The following SGCG variants were observed in gnomAD, a reference collection of about 807,000 sequenced individuals.
SGCG encodes gamma-sarcoglycan.
SGCG carries 26 observed loss-of-function variants against 29.3 expected under a neutral mutation model. The ratio of observed to expected loss-of-function variants is 0.89; its 90% CI spans 0.65 to 1.23. SGCG has a LOEUF of 1.23. SGCG is among the 50% of genes most tolerant of loss of function. The pLI, the probability that SGCG is intolerant of heterozygous loss-of-function variation, is 0.00. For missense variants in SGCG, 353 were observed against 356.0 expected (o/e 0.99, Z 0.07); for synonymous variants, 145 against 129.7 (o/e 1.12, Z -0.80).
At chr13:23,282,527 A>G (rs549422185) in intron 5 of SGCG, among the ~76,000 whole-genome samples, 46 of 151,950 alleles carry the variant, frequency 3.0e-4, no homozygotes, top group Non-Finnish European at 2.4e-4. Flanking sequence ...GTTCTCCTCT[A>G]TGTGTCCACA....
At chr13:23,226,088 C>T (rs746880618) in intron 2 of SGCG, among the ~76,000 whole-genome samples, 4 of 152,116 alleles carry the variant, frequency 2.6e-5, no homozygotes, top group African/African-American at 9.7e-5. Flanking sequence ...TCCAACACCC[C>T]GCACTGGGGG....
chr13:23,292,665 T>C (rs944951902), intron 5 of SGCG, among the ~76,000 whole-genome samples: 1 of 152,218 alleles, frequency 6.6e-6, no homozygotes, highest in Non-Finnish European at 1.5e-5. Flanking sequence ...AATATCATCT[T>C]GTTTATATAA....
chr13:23,266,918 A>C (rs1013485223), intron 4 of SGCG, among the ~76,000 whole-genome samples: 2 of 152,184 alleles, frequency 1.3e-5, no homozygotes, highest in Non-Finnish European at 2.9e-5. Flanking sequence ...ACCCAGCCTC[A>C]GGAATTTCTT....
intron 6 of SGCG, among the ~76,000 whole-genome samples, chr13:23,306,284 G>A (rs1593102427): frequency 6.6e-6 from 1 of 152,194 alleles, no homozygotes; most frequent in Non-Finnish European, 1.5e-5. Context: ...GGTCTCTAAA[G>A]GTTTGATGGA....
chr13:23,324,584 G>A lies in SGCG; in HGVS notation c.*43G>A, dbSNP rs757409780. 2.2e-5 allele frequency: 34 copies of A among 1,555,106 alleles called. No homozygotes were observed. The highest frequency in any genetic ancestry group is 4.1e-5 in the African/African-American group (3 of 73,890). Reference sequence around the variant, plus strand: ...GGTGAGCTGTGCAGTGCCGGCCCCAGATCCTCACACCCAGGGAGCAGCTGC... The same window carrying A: ...GGTGAGCTGTGCAGTGCCGGCCCCAAATCCTCACACCCAGGGAGCAGCTGC... On this transcript the variant is annotated 3_prime_UTR_variant, in exon 8 of 8. Coordinates refer to ENST00000218867, the MANE Select transcript of SGCG (RefSeq NM_000231.3).
chr13:23,204,269 T>C (rs938561613), intron 2 of SGCG, among the ~76,000 whole-genome samples: 1 of 152,196 alleles, frequency 6.6e-6, no homozygotes, highest in African/African-American at 2.4e-5. Context: ...TAAATGACAC[T>C]CATTTAAAAA....
chr13:23,314,385 TATATATA>T lies in SGCG; in HGVS notation c.579-6251_579-6245del, dbSNP rs1566044475. 9.6e-4 allele frequency among the ~76,000 whole-genome samples: 83 copies of T among 86,178 alleles called. 4 individuals carry two copies. The highest frequency in any genetic ancestry group is 2.6e-3 in the African/African-American group (77 of 29,750). 56.5% of individuals were successfully genotyped at this position (86,178 alleles called of 152,430 possible). On this transcript the variant is annotated intron_variant, in intron 6 of 7. Transcript: ENST00000218867. ...ATGAAATGATGTCTGCTATAGGTTA[TATATATA>T]TATATATATATATATAATCTTATTC... is the stretch of plus-strand genomic sequence containing the variant.
At chr13:23,219,827 C>CTTTTT (rs1184090222) in intron 2 of SGCG, among the ~76,000 whole-genome samples, 22 of 99,230 alleles carry the variant, frequency 2.2e-4, no homozygotes, top group East Asian at 3.3e-4. Flanking sequence ...ATTTCTTTTC[C>CTTTTT]TTTTTTTTTT....
Position 23,320,581 on chromosome 13 carries a change from G to C in SGCG, c.579-56G>C. On this transcript the variant is annotated intron_variant, in intron 6 of 7. Coordinates refer to ENST00000218867, the MANE Select transcript of SGCG (RefSeq NM_000231.3). ...CATGCTAAGTTGAGGGATTGCTGGA[G>C]TGGCTATTTTTAATACTTTTTTTTT... 4.9e-6 allele frequency: 7 copies of C among 1,443,208 alleles called. No homozygotes were observed. In the South Asian group the frequency reaches 8.7e-5, roughly 18 times the overall value. The allele number at this position is 1,443,208 out of a possible 1,614,324, so 89.4% of individuals were successfully genotyped here. A position where few individuals can be genotyped will look rare whatever the true frequency, so the allele number is the denominator to read the frequency against.
intron 2 of SGCG, among the ~76,000 whole-genome samples, chr13:23,217,246 C>T (rs1878465067): frequency 6.6e-6 from 1 of 152,042 alleles, no homozygotes; most frequent in African/African-American, 2.4e-5. Flanking sequence ...ACTATAAGCT[C>T]TTATGAATAG....
intron 2 of SGCG, among the ~76,000 whole-genome samples, chr13:23,222,913 A>G (rs1878727360): frequency 6.6e-6 from 1 of 152,142 alleles, no homozygotes; most frequent in African/African-American, 2.4e-5. Context: ...TAAAAGGTAT[A>G]TGTTCTTCCT....
At chr13:23,162,990 T>C in the SGCG span, among the ~76,000 whole-genome samples, 1 of 152,138 alleles carries the variant, frequency 6.6e-6, no homozygotes, top group Non-Finnish European at 1.5e-5. Context: ...TATTCTAAAA[T>C]TGTAGGAAAA....
intron 4 of SGCG, among the ~76,000 whole-genome samples, chr13:23,262,439 G>T (rs1880476266): frequency 6.6e-6 from 1 of 151,872 alleles, no homozygotes; most frequent in Admixed American, 6.6e-5. Flanking sequence ...GAGAGGATCA[G>T]TACACCAAGA....
chr13:23,280,270 C>T (rs1881259596), intron 5 of SGCG, among the ~76,000 whole-genome samples: 1 of 152,120 alleles, frequency 6.6e-6, no homozygotes, highest in East Asian at 1.9e-4. Flanking sequence ...AGAACATATT[C>T]TAAATTCACT....
chr13:23,289,177 C>G (rs557985933), intron 5 of SGCG, among the ~76,000 whole-genome samples: 1 of 152,326 alleles, frequency 6.6e-6, no homozygotes, highest in East Asian at 1.9e-4. Flanking sequence ...CCCAAGGGCA[C>G]AGAACACTGT....
At chr13:23,229,377 ACTG>A (rs1879022713) in intron 2 of SGCG, among the ~76,000 whole-genome samples, 1 of 152,210 alleles carries the variant, frequency 6.6e-6, no homozygotes, top group Non-Finnish European at 1.5e-5. Context: ...GAGTTGCCAC[ACTG>A]CTTTCCACAA....
rs80154654 is a variant in SGCG at position 23,194,312 on chromosome 13, C to T, written c.1-9383C>T. Among the ~76,000 whole-genome samples, 950 of 152,284 alleles carry T rather than the reference C, an allele frequency of 6.2e-3. 10 individuals are homozygous for T. Among genetic ancestry groups the T allele is most frequent in the African/African-American group, 0.022 (907 of 41,556 alleles). ...GGTTTACCATCATAAGCCATCCTGC[C>T]TTTATGCCTCTTGCTATGTGTATTA... On this transcript the variant is annotated intron_variant, in intron 1 of 7. Coordinates refer to ENST00000218867, the MANE Select transcript of SGCG (RefSeq NM_000231.3).
intron 1 of SGCG, among the ~76,000 whole-genome samples, chr13:23,202,041 G>C (rs1228514122): frequency 2.0e-5 from 3 of 152,220 alleles, no homozygotes. Flanking sequence ...GACCAGCAGG[G>C]GCAGACCAAG....
intron 6 of SGCG, among the ~76,000 whole-genome samples, chr13:23,317,063 T>C (rs1459744218): frequency 1.3e-5 from 2 of 151,986 alleles, no homozygotes; most frequent in Admixed American, 6.6e-5. Flanking sequence ...GGCATGGTGG[T>C]AGGCACCTAT....
Sources: allele counts gnomAD v4.1 joint callset (sites outside exome capture counted in the v4.1 genomes callset), GRCh38; gene constraint gnomAD v4.1.1; transcripts MANE v1.5; gene names NCBI Gene and HGNC (gene_info 2026-07-23, HGNC 2026-07-21).